VPS13A: variants seen among roughly 807,000 people sequenced by gnomAD.
VPS13A encodes vacuolar protein sorting 13 homolog A.
A neutral mutation model predicts 390.9 loss-of-function variants in VPS13A; 264 were observed. The observed-to-expected ratio is 0.68, with a 90% CI of 0.61 to 0.75. The LOEUF is 0.75. Among genes scored for constraint, VPS13A ranks in the 30% least tolerant of loss-of-function variants. The pLI is 0.00. For synonymous variants in VPS13A, 1,231 were observed against 1,227.1 expected, an observed-to-expected ratio of 1.00 and a Z score of -0.07; for missense variants, 3,409 against 3,733.9, an observed-to-expected ratio of 0.91 and a Z score of 2.27.
intron 59 of VPS13A, among the ~76,000 whole-genome samples, chr9:77,362,448 C>G (rs1220479846): frequency 6.6e-6 from 1 of 152,234 alleles, no homozygotes. Flanking sequence ...CAGTTAACAA[C>G]ACACATGTGA....
intron 71 of VPS13A, among the ~76,000 whole-genome samples, chr9:77,410,791 A>G (rs1429358639): frequency 1.3e-5 from 2 of 152,202 alleles, no homozygotes; most frequent in African/African-American, 4.8e-5. Flanking sequence ...CAGATTCATA[A>G]AGCAAGTCCT....
chr9:77,291,125 A>G (rs540972881), intron 31 of VPS13A, among the ~76,000 whole-genome samples: 2 of 152,290 alleles, frequency 1.3e-5, no homozygotes, highest in African/African-American at 2.4e-5. Context: ...GCGAGGGAGC[A>G]TTATTGCCTG....
intron 33 of VPS13A, among the ~76,000 whole-genome samples, chr9:77,298,224 A>G (rs1028571690): frequency 6.6e-6 from 1 of 152,200 alleles, no homozygotes; most frequent in Non-Finnish European, 1.5e-5. Flanking sequence ...AGGCAGTGGA[A>G]TATATGTGCC....
intron 15 of VPS13A, 105 bp downstream of exon 15, chr9:77,226,703 T>A: frequency 2.1e-6 from 2 of 964,066 alleles, no homozygotes; most frequent in Non-Finnish European, 1.5e-6. Flanking sequence ...TATATTTATT[T>A]AATTATATAT....
chr9:77,334,640 T>G (rs747102727), intron 46 of VPS13A, among the ~76,000 whole-genome samples: 3 of 152,240 alleles, frequency 2.0e-5, no homozygotes, highest in Non-Finnish European at 2.9e-5. Flanking sequence ...TTTTAACATT[T>G]CCCACCTGAT....
In VPS13A at chr9:77,368,089, A is replaced by G. The variant is rs1428308405; in HGVS notation, c.8506A>G (p.Thr2836Ala). 6.2e-7 allele frequency: 1 copy of G among 1,612,566 alleles called. No individual in the cohort carries two copies. Among genetic ancestry groups the G allele is most frequent in the East Asian group, 2.2e-5 (1 of 44,762 alleles). Residue 2836 changes from threonine to alanine, a missense_variant, in exon 62 of 72, where the codon ACA becomes GCA. Physicochemically the swap from Thr to Ala is moderately conservative, Grantham distance 58. This residue lies in a region of VPS13A where 123 missense variants were observed against 118.7 expected (regional missense o/e 1.04). Transcript: ENST00000360280. ...AFFELNYQFHTTSDLQSEVIR... is the reference protein window; with the variant it reads ...AFFELNYQFHATSDLQSEVIR... Reference sequence around the variant, plus strand: ...TTTTGAACTCAACTATCAGTTCCATACAACATCCGATCTACAGTCTGAAGT... The same window carrying G: ...TTTTGAACTCAACTATCAGTTCCATGCAACATCCGATCTACAGTCTGAAGT...
chr9:77,355,532 T>C (rs1831725574), intron 54 of VPS13A, among the ~76,000 whole-genome samples: 1 of 152,196 alleles, frequency 6.6e-6, no homozygotes, highest in Non-Finnish European at 1.5e-5. Context: ...CTCTCTTAGG[T>C]ATGTCTTCTG....
At chr9:77,232,448 A>G (rs566995113) in intron 17 of VPS13A, among the ~76,000 whole-genome samples, 2 of 152,310 alleles carry the variant, frequency 1.3e-5, no homozygotes, top group Admixed American at 1.3e-4. Flanking sequence ...GTTTTTATGA[A>G]GAGTTTCAGA....
At chr9:77,203,339 A>C (rs542061375) in intron 3 of VPS13A, among the ~76,000 whole-genome samples, 1 of 152,074 alleles carries the variant, frequency 6.6e-6, no homozygotes, top group Non-Finnish European at 1.5e-5. Flanking sequence ...CCCAGGCTGG[A>C]GTACAGTGGT....
intron 1 of VPS13A, among the ~76,000 whole-genome samples, chr9:77,197,228 T>C (rs1414620802): frequency 6.6e-6 from 1 of 152,182 alleles, no homozygotes; most frequent in Non-Finnish European, 1.5e-5. Context: ...GAGAAAAATG[T>C]GTATTCTGCT....
At chr9:77,205,672 A>G (rs536868642) in intron 4 of VPS13A, among the ~76,000 whole-genome samples, 16 of 151,926 alleles carry the variant, frequency 1.1e-4, no homozygotes, top group Non-Finnish European at 1.9e-4. Context: ...GCTCACTGCA[A>G]CCTCTGCCTC....
intron 26 of VPS13A, among the ~76,000 whole-genome samples, chr9:77,277,342 T>C (rs565450642): frequency 6.6e-6 from 1 of 152,312 alleles, no homozygotes; most frequent in Admixed American, 6.5e-5. Flanking sequence ...ATATACTCCT[T>C]GTACCCACAC....
At chr9:77,407,690 T>TTTTG in intron 71 of VPS13A, 83 bp downstream of exon 71, 3 of 1,109,854 alleles carry the variant, frequency 2.7e-6, no homozygotes, top group Admixed American at 2.0e-5. Flanking sequence ...TGCAGATAAG[T>TTTTG]TTTGTTTGGG....
chr9:77,304,431 ATCTC>A (rs1369280161), intron 34 of VPS13A, among the ~76,000 whole-genome samples: 1 of 152,118 alleles, frequency 6.6e-6, no homozygotes, highest in Admixed American at 6.6e-5. Flanking sequence ...TAACAGTCTG[ATCTC>A]TCTTTCTTTT....
At chr9:77,277,525 C>G (rs1038593573) in intron 26 of VPS13A, among the ~76,000 whole-genome samples, 7 of 152,156 alleles carry the variant, frequency 4.6e-5, no homozygotes, top group African/African-American at 1.7e-4. Context: ...TCTACCATTA[C>G]CTTCTCATGT....
chr9:77,216,091 G>C (rs1398058785), intron 10 of VPS13A, among the ~76,000 whole-genome samples: 1 of 152,160 alleles, frequency 6.6e-6, no homozygotes, highest in Non-Finnish European at 1.5e-5. Flanking sequence ...ACTGGAACCA[G>C]GCAGCATAAC....
At chr9:77,305,262 C>T (rs981875656) in intron 34 of VPS13A, among the ~76,000 whole-genome samples, 3 of 152,082 alleles carry the variant, frequency 2.0e-5, no homozygotes, top group South Asian at 2.1e-4. Flanking sequence ...TTAAGTCAAA[C>T]GTATATTCAG....
In VPS13A at chr9:77,416,036, A is replaced by G. The variant is rs776488840; in HGVS notation, c.*30A>G. 19 of 1,612,294 alleles carry G rather than the reference A, an allele frequency of 1.2e-5. No homozygotes were observed. The highest frequency in any genetic ancestry group is 2.7e-5 in the African/African-American group (2 of 74,878). On this transcript the variant is annotated 3_prime_UTR_variant, in exon 72 of 72. Coordinates refer to ENST00000360280, the MANE Select transcript of VPS13A (RefSeq NM_033305.3). ...GAACACTGCCTGAAGACACACAGCA[A>G]TAAGTGATTACAGCTCCTAGACTAC...
At chr9:77,303,331 GGTGATCTGGAAGGTATAGTA>G (rs1184927924) in intron 34 of VPS13A, among the ~76,000 whole-genome samples, 1 of 152,136 alleles carries the variant, frequency 6.6e-6, no homozygotes, top group Admixed American at 6.5e-5. Context: ...TGGTGGTGAT[GGTGATCTGGAAGGTATAGTA>G]GTAGTTAGAT....
Sources: gnomAD v4.1 joint callset for allele counts (sites outside exome capture counted in the v4.1 genomes callset) on GRCh38, gnomAD v4.1.1 for gene constraint, gnomAD v4.1.1 regional missense constraint, MANE v1.5 for transcripts, NCBI Gene and HGNC (gene_info 2026-07-23, HGNC 2026-07-21) for gene names.